CAST: variants seen among roughly 807,000 people sequenced by gnomAD.
The protein encoded by CAST is MIR583 host.
Under a neutral mutation model 119.6 loss-of-function variants are expected in CAST, and 76 were observed. The ratio of observed to expected loss-of-function variants is 0.64; its 90% CI spans 0.53 to 0.77. The LOEUF (loss-of-function observed/expected upper bound fraction) is 0.77, where lower values mean the gene tolerates loss of function less well. CAST is among the 30% of genes least tolerant of loss of function. The pLI is 0.00. For synonymous variants in CAST, 319 were observed against 331.6 expected, an observed-to-expected ratio of 0.96 and a Z score of 0.41; for missense variants, 953 against 946.5, an observed-to-expected ratio of 1.01 and a Z score of -0.09.
At chr5:96,532,031 T>A (rs568565255) in intron 1 of CAST, among the ~76,000 whole-genome samples, 1 of 152,060 alleles carries the variant, frequency 6.6e-6, no homozygotes, top group African/African-American at 2.4e-5. Context: ...GGCAAGAGAA[T>A]TGCTTGAGCC....
the CAST span, among the ~76,000 whole-genome samples, chr5:96,156,097 A>G: frequency 6.6e-6 from 1 of 152,232 alleles, no homozygotes; most frequent in Admixed American, 6.5e-5. Flanking sequence ...TTCCAGAATT[A>G]AGCCCCAGCC....
chr5:96,401,990 C>T, the CAST span, among the ~76,000 whole-genome samples: 1 of 152,102 alleles, frequency 6.6e-6, no homozygotes. Flanking sequence ...TGTATTGTTC[C>T]CTGAAGCCAA....
chr5:96,757,229 G>A (rs1261066550), intron 22 of CAST, among the ~76,000 whole-genome samples: 3 of 152,150 alleles, frequency 2.0e-5, no homozygotes, highest in South Asian at 2.1e-4. Context: ...TGCAGCCCCC[G>A]TGACTCAGGA....
chr5:96,520,569 G>T (rs923101822), upstream of CAST, among the ~76,000 whole-genome samples: 2 of 149,378 alleles, frequency 1.3e-5, no homozygotes, highest in African/African-American at 4.9e-5. Context: ...GTGTGTATGT[G>T]TGTGTGTCTG....
the CAST span, among the ~76,000 whole-genome samples, chr5:96,378,391 T>C: frequency 2.0e-5 from 3 of 152,148 alleles, no homozygotes; most frequent in Non-Finnish European, 4.4e-5. Context: ...ATAGATATGT[T>C]AATTAGCTTG....
chr5:96,252,485 T>A, the CAST span, among the ~76,000 whole-genome samples: 1 of 152,088 alleles, frequency 6.6e-6, no homozygotes, highest in African/African-American at 2.4e-5. Context: ...CATTGTTTTT[T>A]GAAGTTCTTC....
At chr5:96,758,441 CA>C (rs1431055745) in intron 24 of CAST, among the ~76,000 whole-genome samples, 38 of 152,248 alleles carry the variant, frequency 2.5e-4, no homozygotes, top group African/African-American at 8.9e-4. Context: ...TTAGAGTTCC[CA>C]AACTTAATAA....
intron 1 of CAST, among the ~76,000 whole-genome samples, chr5:96,633,711 C>T (rs1181350528): frequency 1.3e-5 from 2 of 152,212 alleles, no homozygotes; most frequent in East Asian, 3.8e-4. Context: ...GTTCTGTTCC[C>T]TTTCTTCACC....
the CAST span, among the ~76,000 whole-genome samples, chr5:96,519,323 G>T: frequency 7.2e-5 from 11 of 152,172 alleles, no homozygotes; most frequent in Admixed American, 7.2e-4. Context: ...AGGTATAGAG[G>T]CTGGCACCAA....
chr5:96,492,277 T>G, the CAST span, among the ~76,000 whole-genome samples: 1 of 152,250 alleles, frequency 6.6e-6, no homozygotes, highest in Non-Finnish European at 1.5e-5. Flanking sequence ...AAGTCCTATT[T>G]AGAAGATAAA....
At chr5:96,179,476 C>T in the CAST span, among the ~76,000 whole-genome samples, 3 of 152,202 alleles carry the variant, frequency 2.0e-5, no homozygotes, top group African/African-American at 7.2e-5. Context: ...CTTGTTTTGA[C>T]CACTGTGCTA....
At chr5:96,426,035 G>T in the CAST span, 1 of 724,348 alleles carries the variant, frequency 1.4e-6, no homozygotes, top group Non-Finnish European at 2.5e-6. Flanking sequence ...AGGCAGCTCT[G>T]CAATATTTTC....
At chr5:96,485,103 G>T in the CAST span, among the ~76,000 whole-genome samples, 1 of 152,162 alleles carries the variant, frequency 6.6e-6, no homozygotes, top group Non-Finnish European at 1.5e-5. Context: ...GAGCTTTCAG[G>T]TTCTGTGGAG....
intron 1 of CAST, among the ~76,000 whole-genome samples, chr5:96,597,723 A>G (rs1747076962): frequency 6.6e-6 from 1 of 152,040 alleles, no homozygotes. Context: ...TTTCTTTCCT[A>G]CCAAATAATT....
At chr5:96,411,442 G>A in the CAST span, among the ~76,000 whole-genome samples, 2 of 152,170 alleles carry the variant, frequency 1.3e-5, no homozygotes, top group Admixed American at 6.5e-5. Context: ...AATGGAACTC[G>A]TCAAAGCCGC....
chr5:96,333,308 T>A, the CAST span, among the ~76,000 whole-genome samples: 4 of 151,896 alleles, frequency 2.6e-5, no homozygotes, highest in Non-Finnish European at 5.9e-5. Flanking sequence ...TTCTGCACGG[T>A]CAGATGAGGA....
chr5:96,283,395 C>T, the CAST span, among the ~76,000 whole-genome samples: 1 of 152,168 alleles, frequency 6.6e-6, no homozygotes, highest in African/African-American at 2.4e-5. Context: ...CATCCAGGCA[C>T]ATACAGGACT....
At chr5:96,274,872 A>C in the CAST span, among the ~76,000 whole-genome samples, 3 of 152,190 alleles carry the variant, frequency 2.0e-5, no homozygotes, top group South Asian at 2.1e-4. Flanking sequence ...AATAATAAAC[A>C]AAAAAGAAGG....
chr5:96,686,559 T>C (rs1017767363), intron 2 of CAST, among the ~76,000 whole-genome samples: 1 of 152,086 alleles, frequency 6.6e-6, no homozygotes, highest in East Asian at 1.9e-4. Flanking sequence ...AAGGTCCTGA[T>C]TGGAGACTGG....
Sources: allele counts gnomAD v4.1 joint callset (sites outside exome capture counted in the v4.1 genomes callset), GRCh38; gene constraint gnomAD v4.1.1; transcripts MANE v1.5; gene names NCBI Gene and HGNC (gene_info 2026-07-23, HGNC 2026-07-21).